The following HBEGF variants were observed in gnomAD, a reference collection of about 807,000 sequenced individuals.
HBEGF encodes heparin binding EGF like growth factor, also known as proheparin-binding EGF-like growth factor.
Under a neutral mutation model 19.5 loss-of-function variants are expected in HBEGF, and 8 were observed. The ratio of observed to expected loss-of-function variants is 0.41; its 90% CI spans 0.24 to 0.74. The LOEUF is 0.74. HBEGF is among the 30% of genes least tolerant of loss of function. The pLI, the probability that HBEGF is intolerant of heterozygous loss-of-function variation, is 0.32. For missense variants in HBEGF, 207 were observed against 256.9 expected (o/e 0.81, Z 1.33); for synonymous variants, 97 against 108.9 (o/e 0.89, Z 0.68).
chr5:140,333,580 T>C lies in HBEGF; in HGVS notation c.*719A>G, dbSNP rs917595369. 1 of 152,602 alleles carries C rather than the reference T, an allele frequency of 6.6e-6. No individual in the cohort carries two copies. The highest frequency in any genetic ancestry group is 1.5e-5 in the Non-Finnish European group (1 of 68,042). 9.5% of individuals were successfully genotyped at this position (152,602 alleles called of 1,614,324 possible). On this transcript the variant is annotated 3_prime_UTR_variant, in exon 6 of 6. Coordinates refer to ENST00000230990, the MANE Select transcript of HBEGF (RefSeq NM_001945.3). ...AGGTGGGTGGCACTAAGCCAGATTG[T>C]GGGGATGAGGAGTGGAGGGCCAGGA...
At chr5:140,344,014 T>C (rs903966041) in intron 2 of HBEGF, among the ~76,000 whole-genome samples, 1 of 152,094 alleles carries the variant, frequency 6.6e-6, no homozygotes, top group Non-Finnish European at 1.5e-5. Context: ...GGTGTGTGCC[T>C]GTTATCGCAG....
At chr5:140,336,768 C>G (rs1245996556) in intron 3 of HBEGF, among the ~76,000 whole-genome samples, 1 of 152,172 alleles carries the variant, frequency 6.6e-6, no homozygotes, top group Non-Finnish European at 1.5e-5. Context: ...AGAAACAATC[C>G]CTTGGCTCTT....
chr5:140,343,615 T>G (rs753459572), intron 2 of HBEGF, among the ~76,000 whole-genome samples: 25 of 152,284 alleles, frequency 1.6e-4, no homozygotes, highest in Non-Finnish European at 3.1e-4. Flanking sequence ...GGAACAATGA[T>G]GACTCCCTCC....
chr5:140,340,222 G>T (rs1766287054), intron 3 of HBEGF, among the ~76,000 whole-genome samples: 1 of 151,788 alleles, frequency 6.6e-6, no homozygotes, highest in Non-Finnish European at 1.5e-5. Context: ...GGAGGCGGAG[G>T]CTGCAGAGAG....
chr5:140,339,537 C>T (rs1303105826), intron 3 of HBEGF, among the ~76,000 whole-genome samples: 1 of 151,938 alleles, frequency 6.6e-6, no homozygotes, highest in South Asian at 2.1e-4. Context: ...AGATTACAGG[C>T]GCCCGCCACA....
In HBEGF at chr5:140,334,225, T is replaced by A. The variant is rs1014189354; in HGVS notation, c.*74A>T. 6.2e-6 allele frequency: 1 copy of A among 162,352 alleles called. No homozygotes were observed. Among genetic ancestry groups the A allele is most frequent in the Non-Finnish European group, 1.3e-5 (1 of 74,478 alleles). 10.1% of individuals were successfully genotyped at this position (162,352 alleles called of 1,614,324 possible). A position where few individuals can be genotyped will look rare whatever the true frequency, so the allele number is the denominator to read the frequency against. ...TGTGACTAGATGGAAGTCTTTCCCC[T>A]CTGCAGTCTGAAATCACCTTGTGTC... On this transcript the variant is annotated 3_prime_UTR_variant, in exon 6 of 6. Transcript: ENST00000230990.
At chr5:140,342,570 G>C in intron 3 of HBEGF, 65 bp downstream of exon 3, 1 of 1,454,108 alleles carries the variant, frequency 6.9e-7, no homozygotes, top group Non-Finnish European at 9.6e-7. Context: ...CAGTGACAAC[G>C]AGGAACAGCC....
chr5:140,340,016 G>T (rs1017420836), intron 3 of HBEGF, among the ~76,000 whole-genome samples: 1 of 152,222 alleles, frequency 6.6e-6, no homozygotes, highest in Admixed American at 6.5e-5. Flanking sequence ...CCAGGAAGTG[G>T]TGGCCCACGC....
intron 3 of HBEGF, among the ~76,000 whole-genome samples, chr5:140,340,397 C>T (rs1006280680): frequency 5.3e-5 from 8 of 151,544 alleles, no homozygotes; most frequent in East Asian, 3.9e-4. Context: ...CTGGCCAACA[C>T]GGCAAAACTA....
chr5:140,339,113 T>C (rs1581112368), intron 3 of HBEGF, among the ~76,000 whole-genome samples: 1 of 152,366 alleles, frequency 6.6e-6, no homozygotes, highest in East Asian at 1.9e-4. Flanking sequence ...AAGTCCCACA[T>C]TGTGTGAGTT....
chr5:140,337,461 A>T (rs991093858), intron 3 of HBEGF, among the ~76,000 whole-genome samples: 4 of 152,206 alleles, frequency 2.6e-5, no homozygotes, highest in African/African-American at 9.6e-5. Context: ...TGAAGGAAGC[A>T]CCAAGAACCT....
intron 4 of HBEGF, 166 bp from the exon 5 acceptor site, chr5:140,334,914 A>T: frequency 1.6e-6 from 1 of 642,872 alleles, no homozygotes; most frequent in East Asian, 2.6e-5. Flanking sequence ...TGCCCCGAGG[A>T]ACTCCTGTCT....
rs1199187145 is a variant in HBEGF, at chr5:140,346,434, G to T, written c.-106C>A. On this transcript the variant is annotated 5_prime_UTR_variant, in exon 1 of 6. Coordinates refer to ENST00000230990, the MANE Select transcript of HBEGF (RefSeq NM_001945.3). The surrounding 1 kb of genome is among the most constrained non-coding windows in gnomAD (Gnocchi z 6.1). ...GGCGGAGCTCAGGAGATTCCGCCGG[G>T]CACCGTCTGCCGCCCGCCTCTGCGT... The T allele has an allele frequency of 1.6e-6, 2 of 1,245,378 alleles. No individual in the cohort carries two copies. Among genetic ancestry groups the T allele is most frequent in the African/African-American group, 1.5e-5 (1 of 67,116 alleles). 77.1% of individuals were successfully genotyped at this position (1,245,378 alleles called of 1,614,324 possible). A position where few individuals can be genotyped will look rare whatever the true frequency, so the allele number is the denominator to read the frequency against.
chr5:140,335,679 T>C (rs1469242112), intron 4 of HBEGF, among the ~76,000 whole-genome samples, 193 bp downstream of exon 4: 1 of 152,114 alleles, frequency 6.6e-6, no homozygotes, highest in Non-Finnish European at 1.5e-5. Flanking sequence ...CCTCGCAAAT[T>C]TGACCCTGGG....
chr5:140,338,723 G>A (rs2126717300), intron 3 of HBEGF, among the ~76,000 whole-genome samples: 1 of 152,274 alleles, frequency 6.6e-6, no homozygotes, highest in African/African-American at 2.4e-5. Context: ...CAGGGTAGGG[G>A]CAAAATTTTG....
At position 140,346,006 on chromosome 5, in the gene HBEGF, G is replaced by C; in HGVS notation, c.125C>G (p.Pro42Arg). The C allele has an allele frequency of 6.2e-7, 1 of 1,614,190 alleles. No individual in the cohort carries two copies. The highest frequency in any genetic ancestry group is 1.1e-5 in the South Asian group (1 of 91,088). ...CAGCTGGTCCGTGGATACAGTGGGAGGGTCCGGGTTGCTGGTTCCAGCAGC... is the reference window on the plus strand; with the variant it reads ...CAGCTGGTCCGTGGATACAGTGGGACGGTCCGGGTTGCTGGTTCCAGCAGC... ...GLAAGTSNPDPPTVSTDQLLP... is the reference protein window; with the variant it reads ...GLAAGTSNPDRPTVSTDQLLP... The change falls in exon 2 of 6, where the codon CCT (proline) becomes CGT (arginine). Residue 42 changes from proline (P) to arginine (R), a missense_variant. Coordinates refer to ENST00000230990, the MANE Select transcript of HBEGF (RefSeq NM_001945.3). This position sits in a 1 kb window ranked among gnomAD's most constrained non-coding sequence, Gnocchi z 6.1.
At chr5:140,343,303 G>A (rs1766343684) in intron 2 of HBEGF, among the ~76,000 whole-genome samples, 1 of 152,050 alleles carries the variant, frequency 6.6e-6, no homozygotes, top group South Asian at 2.1e-4. Flanking sequence ...GGGGTTGGAG[G>A]GCTCCTAATA....
chr5:140,341,677 T>C (rs888058100), intron 3 of HBEGF, among the ~76,000 whole-genome samples: 1 of 152,238 alleles, frequency 6.6e-6, no homozygotes, highest in Non-Finnish European at 1.5e-5. Flanking sequence ...CTTGACAGGC[T>C]GGAGGCAGTG....
intron 3 of HBEGF, among the ~76,000 whole-genome samples, chr5:140,336,485 C>T (rs906868007): frequency 2.0e-5 from 3 of 152,220 alleles, no homozygotes; most frequent in Non-Finnish European, 2.9e-5. Context: ...CAGAAATAAA[C>T]CCAGCCTTCC....
Sources: allele counts gnomAD v4.1 joint callset (sites outside exome capture counted in the v4.1 genomes callset), GRCh38; gene constraint gnomAD v4.1.1; non-coding constraint Gnocchi (gnomAD v3.1); transcripts MANE v1.5; gene names NCBI Gene and HGNC (gene_info 2026-07-23, HGNC 2026-07-21).